Variants in GTF2H2 observed in about 807,000 individuals in gnomAD.
GTF2H2 encodes general transcription factor IIH subunit 2, also known as TFIIH basal transcription factor complex p44 subunit.
A neutral mutation model predicts 16.5 loss-of-function variants in GTF2H2; 2 were observed. The ratio of observed to expected loss-of-function variants is 0.12; its 90% CI spans 0.05 to 0.38. The LOEUF is 0.38. GTF2H2 is among the 10% of genes least tolerant of loss of function. GTF2H2 has a pLI of 0.99. For synonymous variants in GTF2H2, 8 were observed against 44.1 expected, an observed-to-expected ratio of 0.18 and a Z score of 3.24; for missense variants, 20 against 137.0, an observed-to-expected ratio of 0.15 and a Z score of 4.26.
At chr5:71,053,331 G>A (rs1437707722) in intron 8 of GTF2H2, among the ~76,000 whole-genome samples, 1 of 142,480 alleles carries the variant, frequency 7.0e-6, no homozygotes, top group East Asian at 2.0e-4. Flanking sequence ...CAGAGGGAGA[G>A]AGACTGGAAA....
Sources: gnomAD v4.1 joint callset for allele counts (sites outside exome capture counted in the v4.1 genomes callset) on GRCh38, gnomAD v4.1.1 for gene constraint, MANE v1.5 for transcripts, NCBI Gene and HGNC (gene_info 2026-07-23, HGNC 2026-07-21) for gene names.